The following COL10A1 variants were observed in gnomAD, a reference collection of about 807,000 sequenced individuals.
COL10A1 encodes collagen alpha-1(X) chain.
In COL10A1, 10 loss-of-function variants were observed where a neutral mutation model predicts 18.2. The ratio of observed to expected loss-of-function variants is 0.55; its 90% confidence interval spans 0.34 to 0.93. The LOEUF (loss-of-function observed/expected upper bound fraction) is 0.93, where lower values mean the gene tolerates loss of function less well. Ranked by LOEUF, COL10A1 falls within the 40% of genes least tolerant of loss-of-function variation. The pLI is 0.02. For synonymous variants in COL10A1, 330 were observed against 316.6 expected (o/e 1.04, Z -0.45); for missense variants, 897 against 853.5 (o/e 1.05, Z -0.64).
the COL10A1 span, among the ~76,000 whole-genome samples, chr6:116,193,597 C>T: frequency 6.6e-6 from 1 of 152,038 alleles, no homozygotes; most frequent in African/African-American, 2.4e-5. Context: ...CTAATATACA[C>T]AGAATATGTC....
the COL10A1 span, among the ~76,000 whole-genome samples, chr6:116,192,838 T>C: frequency 6.6e-6 from 1 of 152,056 alleles, no homozygotes; most frequent in Non-Finnish European, 1.5e-5. Context: ...CCTCCTACTA[T>C]TGGAAGGTGT....
intron 2 of COL10A1, among the ~76,000 whole-genome samples, chr6:116,122,667 G>A (rs189369611): frequency 6.6e-6 from 1 of 152,206 alleles, no homozygotes. Context: ...CATAGTGCCT[G>A]TGATGTGAAA....
intron 1 of COL10A1, among the ~76,000 whole-genome samples, chr6:116,153,245 CTATTTA>C (rs1229789118): frequency 6.6e-6 from 1 of 151,828 alleles, no homozygotes; most frequent in African/African-American, 2.4e-5. Context: ...GATTTTAGCT[CTATTTA>C]TAAGATATGT....
At chr6:116,167,148 T>C in the COL10A1 span, among the ~76,000 whole-genome samples, 2 of 151,900 alleles carry the variant, frequency 1.3e-5, no homozygotes, top group East Asian at 1.9e-4. Context: ...ATGCATCAGA[T>C]ATAAAAGTGA....
intron 1 of COL10A1, among the ~76,000 whole-genome samples, chr6:116,152,745 T>C (rs1359076393): frequency 6.6e-6 from 1 of 152,192 alleles, no homozygotes; most frequent in African/African-American, 2.4e-5. Flanking sequence ...TGTTCCATAC[T>C]TAGGTTTCCT....
At chr6:116,210,459 A>G in the COL10A1 span, among the ~76,000 whole-genome samples, 2 of 151,984 alleles carry the variant, frequency 1.3e-5, no homozygotes, top group African/African-American at 4.8e-5. Flanking sequence ...CAAGCTCCGA[A>G]AGCAGACCGC....
In COL10A1 at chr6:116,120,842, C is replaced by T. The variant is rs973165347; in HGVS notation, c.1274G>A (p.Gly425Asp). The change falls in exon 3 of 3, where the codon GGC becomes GAC. Residue 425 changes from glycine (G) to aspartate (D), a missense_variant. Physicochemically the swap from Gly to Asp is moderately conservative, Grantham distance 94. Coordinates refer to ENST00000651968, the MANE Select transcript of COL10A1 (RefSeq NM_000493.4). ...GGPPGLPGPV[G>D]PAGAKGMPGH... Reference sequence around the variant, plus strand: ...GGGCATTCCCTTTGCTCCTGCTGGGCCCACAGGGCCTGGGAGACCAGGAGG... The same window carrying T: ...GGGCATTCCCTTTGCTCCTGCTGGGTCCACAGGGCCTGGGAGACCAGGAGG... The T allele has an allele frequency of 4.3e-6, 7 of 1,613,928 alleles. No homozygotes were observed. The African/African-American group carries it at 9.3e-5, about 22-fold the overall frequency.
the COL10A1 span, among the ~76,000 whole-genome samples, chr6:116,182,613 G>C: frequency 1.3e-5 from 2 of 151,956 alleles, no homozygotes; most frequent in Non-Finnish European, 2.9e-5. Context: ...TTATGGTTTT[G>C]GTTTGCATTT....
the COL10A1 span, among the ~76,000 whole-genome samples, chr6:116,187,052 G>A: frequency 6.6e-6 from 1 of 151,982 alleles, no homozygotes; most frequent in Non-Finnish European, 1.5e-5. Context: ...TGTCCCACAG[G>A]GTGCTCCCTT....
At chr6:116,174,052 A>G in the COL10A1 span, among the ~76,000 whole-genome samples, 9 of 152,310 alleles carry the variant, frequency 5.9e-5, no homozygotes, top group East Asian at 1.7e-3. Context: ...ATGGTTTTCC[A>G]TGACTAGACT....
At chr6:116,196,118 A>T in the COL10A1 span, among the ~76,000 whole-genome samples, 1 of 152,020 alleles carries the variant, frequency 6.6e-6, no homozygotes, top group Non-Finnish European at 1.5e-5. Context: ...TGCTATCCAC[A>T]AGAGTGAGAT....
At chr6:116,213,750 G>A in the COL10A1 span, among the ~76,000 whole-genome samples, 1 of 152,046 alleles carries the variant, frequency 6.6e-6, no homozygotes, top group Non-Finnish European at 1.5e-5. Context: ...GAGAAGTGCT[G>A]TAACAGGCAC....
upstream of COL10A1, among the ~76,000 whole-genome samples, chr6:116,160,284 A>C (rs1162304709): frequency 6.6e-6 from 1 of 151,880 alleles, no homozygotes; most frequent in African/African-American, 2.4e-5. Flanking sequence ...TCTGTTATCT[A>C]TTGGCTTTTT....
the COL10A1 span, among the ~76,000 whole-genome samples, chr6:116,176,476 A>T: frequency 6.6e-6 from 1 of 152,162 alleles, no homozygotes; most frequent in East Asian, 1.9e-4. Flanking sequence ...CCTCCCTGTG[A>T]CAGTTGAATA....
At chr6:116,170,954 T>C in the COL10A1 span, among the ~76,000 whole-genome samples, 1 of 152,314 alleles carries the variant, frequency 6.6e-6, no homozygotes, top group Admixed American at 6.5e-5. Context: ...TCATTCTGTA[T>C]TTGACCTGCC....
At chr6:116,127,468 T>C (rs1004231211), upstream of COL10A1, among the ~76,000 whole-genome samples, 2 of 152,144 alleles carry the variant, frequency 1.3e-5, no homozygotes, top group African/African-American at 2.4e-5. Context: ...TATAGCAGTT[T>C]AGAATAACAA....
chr6:116,159,978 G>A (rs1457208762), upstream of COL10A1, among the ~76,000 whole-genome samples: 2 of 152,154 alleles, frequency 1.3e-5, no homozygotes, highest in Admixed American at 6.5e-5. Context: ...GTATTCCACA[G>A]TGTATACATA....
At chr6:116,154,799 A>G (rs1010797111) in intron 1 of COL10A1, among the ~76,000 whole-genome samples, 1 of 152,244 alleles carries the variant, frequency 6.6e-6, no homozygotes, top group African/African-American at 2.4e-5. Flanking sequence ...CCTCAGGATT[A>G]ATAACTCTTA....
the COL10A1 span, among the ~76,000 whole-genome samples, chr6:116,207,259 G>GA: frequency 6.6e-6 from 1 of 151,532 alleles, no homozygotes; most frequent in African/African-American, 2.4e-5. Flanking sequence ...GAAATCATGG[G>GA]AAAAAATATT....
Sources: gnomAD v4.1 joint callset for allele counts (sites outside exome capture counted in the v4.1 genomes callset) on GRCh38, gnomAD v4.1.1 for gene constraint, MANE v1.5 for transcripts, NCBI Gene and HGNC (gene_info 2026-07-23, HGNC 2026-07-21) for gene names.